CDH2: variants seen among roughly 807,000 people sequenced by gnomAD.
CDH2 encodes cadherin-2.
In CDH2, 17 loss-of-function variants were observed where a neutral mutation model predicts 92.0. That is an observed-to-expected ratio of 0.18 (90% CI 0.13 to 0.28). CDH2 has a LOEUF of 0.28. Among genes scored for constraint, CDH2 ranks in the 10% least tolerant of loss-of-function variants. The pLI is 1.00. For missense variants in CDH2, 862 were observed against 1,133.1 expected (o/e 0.76, Z 3.44); for synonymous variants, 419 against 415.9 (o/e 1.01, Z -0.09).
intron 2 of CDH2, among the ~76,000 whole-genome samples, chr18:28,057,697 G>T (rs566003029): frequency 6.6e-6 from 1 of 151,790 alleles, no homozygotes; most frequent in African/African-American, 2.4e-5. Context: ...TGAATAAACT[G>T]TTAGATTGAT....
chr18:27,939,145 G>C (rs571665145), intron 6 of CDH2, among the ~76,000 whole-genome samples: 1 of 152,224 alleles, frequency 6.6e-6, no homozygotes, highest in African/African-American at 2.4e-5. Context: ...GGCTCTACAT[G>C]ATGGCCTAGT....
At chr18:28,121,308 A>G (rs1266714522) in intron 2 of CDH2, among the ~76,000 whole-genome samples, 2 of 152,094 alleles carry the variant, frequency 1.3e-5, no homozygotes, top group African/African-American at 4.8e-5. Flanking sequence ...ACTACTCTCA[A>G]AGGGCCTCAA....
intron 6 of CDH2, among the ~76,000 whole-genome samples, chr18:27,941,741 T>C (rs1909144290): frequency 6.6e-6 from 1 of 152,220 alleles, no homozygotes; most frequent in African/African-American, 2.4e-5. Context: ...TCTGCTAACA[T>C]AGCTGAGTTA....
chr18:28,135,287 C>G (rs1054073151), intron 2 of CDH2, among the ~76,000 whole-genome samples: 2 of 152,058 alleles, frequency 1.3e-5, no homozygotes, highest in African/African-American at 2.4e-5. Context: ...CTGAAATGTC[C>G]ACATGTGACC....
At chr18:28,064,279 G>A (rs2014463672) in intron 2 of CDH2, among the ~76,000 whole-genome samples, 1 of 152,012 alleles carries the variant, frequency 6.6e-6, no homozygotes, top group South Asian at 2.1e-4. Flanking sequence ...TTTATTAACA[G>A]TTTATTTTTT....
chr18:28,002,765 C>T (rs2012804977), intron 7 of CDH2, among the ~76,000 whole-genome samples: 1 of 152,138 alleles, frequency 6.6e-6, no homozygotes, highest in Non-Finnish European at 1.5e-5. Context: ...ATTGCTTAGT[C>T]AGTGTCACAT....
chr18:28,019,215 C>A (rs2013339431), intron 2 of CDH2, among the ~76,000 whole-genome samples: 1 of 151,796 alleles, frequency 6.6e-6, no homozygotes, highest in African/African-American at 2.4e-5. Context: ...GTGATGGGTG[C>A]ATCCAAATCT....
Position 28,167,409 on chromosome 18 carries a change from CA to C in CDH2, c.60+9553del, listed in dbSNP as rs2016402140. Among the ~76,000 whole-genome samples, 3 of 152,108 alleles carry C rather than the reference CA, an allele frequency of 2.0e-5. No homozygotes were observed. The South Asian group carries it at 6.2e-4, about 31-fold the overall frequency. On this transcript the variant is annotated intron_variant, in intron 1 of 15. Coordinates refer to ENST00000269141, the MANE Select transcript of CDH2 (RefSeq NM_001792.5). ...TAATCTTTCCATTTTAAACCAACTTCACCCTCCTTACCTCCAATATATTTCT... is the reference window on the plus strand; with the variant it reads ...TAATCTTTCCATTTTAAACCAACTTCCCCTCCTTACCTCCAATATATTTCT...
At chr18:27,983,327 A>G (rs1471894095) in intron 13 of CDH2, among the ~76,000 whole-genome samples, 1 of 152,146 alleles carries the variant, frequency 6.6e-6, no homozygotes, top group African/African-American at 2.4e-5. Flanking sequence ...CTCACTTGAG[A>G]GGTGATCATC....
At chr18:27,935,523 G>A (rs768764238) in intron 6 of CDH2, among the ~76,000 whole-genome samples, 1 of 152,146 alleles carries the variant, frequency 6.6e-6, no homozygotes, top group Non-Finnish European at 1.5e-5. Context: ...AGATTTGGGT[G>A]GGGACATAGA....
intron 1 of CDH2, among the ~76,000 whole-genome samples, chr18:28,172,083 G>A (rs1331341420): frequency 6.6e-6 from 1 of 151,210 alleles, no homozygotes; most frequent in Non-Finnish European, 1.5e-5. Flanking sequence ...TGGGGTGTGT[G>A]TGTGTGTGTG....
intron 2 of CDH2, among the ~76,000 whole-genome samples, chr18:28,061,437 G>A (rs1250453919): frequency 1.3e-5 from 2 of 152,092 alleles, no homozygotes; most frequent in African/African-American, 4.8e-5. Flanking sequence ...GAGGTCAGGA[G>A]TTTGAGACCA....
At chr18:28,007,165 A>AAAAAAAAAAATATATATATATATATAT (rs1172779200) in intron 5 of CDH2, among the ~76,000 whole-genome samples, 1 of 110,502 alleles carries the variant, frequency 9.0e-6, no homozygotes, top group African/African-American at 4.4e-5. Context: ...ATAAAAAAAA[A>AAAAAAAAAAATATATATATATATATAT]ATATATATAT....
chr18:28,041,393 A>G (rs1379635274), intron 2 of CDH2, among the ~76,000 whole-genome samples: 1 of 152,200 alleles, frequency 6.6e-6, no homozygotes, highest in African/African-American at 2.4e-5. Context: ...TTCTCATTGT[A>G]ATCACATACG....
In CDH2 at chr18:28,005,974, T is replaced by C. The variant is rs2012904761; in HGVS notation, c.722A>G (p.Asp241Gly). Residue 241 changes from aspartate to glycine, a missense_variant, in exon 6 of 16, where the codon GAT (aspartate) becomes GGT (glycine). This residue lies in a region of CDH2 where 564 missense variants were observed against 722.2 expected (regional missense o/e 0.78). Transcript: ENST00000269141. ...GTTCTCCACTTGATTTCCATTAATA[T>C]CTACTGCATGTGCCCTCAACTGCAA... ...ARFHLRAHAV[D>G]INGNQVENPI... 3 of 1,612,776 alleles carry C rather than the reference T, an allele frequency of 1.9e-6. No homozygotes were observed. Among genetic ancestry groups the C allele is most frequent in the Non-Finnish European group, 2.5e-6 (3 of 1,178,978 alleles).
At position 28,176,969 on chromosome 18, in the gene CDH2, C is replaced by T. The variant is rs1035695127; in HGVS notation, c.54G>A (p.Leu18=). 158 of 1,420,402 alleles carry T rather than the reference C, an allele frequency of 1.1e-4. No individual in the cohort carries two copies. Among genetic ancestry groups the T allele is most frequent in the Non-Finnish European group, 1.4e-4 (154 of 1,084,844 alleles). 88.0% of individuals were successfully genotyped at this position (1,420,402 alleles called of 1,614,324 possible). The change falls in exon 1 of 16, where the codon CTG becomes CTA. Residue 18 remains leucine (L), a synonymous_variant. Coordinates refer to ENST00000269141, the MANE Select transcript of CDH2 (RefSeq NM_001792.5). ...LRTLLPLLAA[L]LQASVEASGE... The stretch of plus-strand genomic sequence containing the variant: ...CGCGGGGACCGCCGCGTACCTGAAG[C>T]AGGGCCGCCAGCAGCGGCAGCAGGG...
chr18:28,104,497 T>A (rs2015288601), intron 2 of CDH2, among the ~76,000 whole-genome samples: 1 of 151,726 alleles, frequency 6.6e-6, no homozygotes, highest in Non-Finnish European at 1.5e-5. Flanking sequence ...AGAATTCTTA[T>A]GCTTTTCCAT....
chr18:27,941,586 A>T (rs1315889799), intron 6 of CDH2, among the ~76,000 whole-genome samples: 1 of 152,210 alleles, frequency 6.6e-6, no homozygotes, highest in African/African-American at 2.4e-5. Flanking sequence ...ATATCCAGTT[A>T]TTAAAGTTTA....
chr18:28,129,730 G>A (rs1458376225), intron 2 of CDH2, among the ~76,000 whole-genome samples: 3 of 152,154 alleles, frequency 2.0e-5, no homozygotes, highest in African/African-American at 7.2e-5. Context: ...TCAGGAGGCT[G>A]AGGCAGGAAG....
Sources: allele counts gnomAD v4.1 joint callset (sites outside exome capture counted in the v4.1 genomes callset), GRCh38; gene constraint gnomAD v4.1.1; regional missense constraint gnomAD v4.1.1; transcripts MANE v1.5; gene names NCBI Gene and HGNC (gene_info 2026-07-23, HGNC 2026-07-21).